FHL2: variants seen among roughly 807,000 people sequenced by gnomAD.
FHL2 encodes four and a half LIM domains protein 2.
FHL2 carries 20 observed loss-of-function variants against 32.7 expected under a neutral mutation model. The ratio of observed to expected loss-of-function variants is 0.61; its 90% CI spans 0.43 to 0.89. FHL2 has a LOEUF of 0.89. Ranked by LOEUF, FHL2 falls within the 40% of genes least tolerant of loss-of-function variation. The pLI, the probability that FHL2 is intolerant of heterozygous loss-of-function variation, is 0.00. For missense variants in FHL2, 311 were observed against 358.6 expected (o/e 0.87, Z 1.07); for synonymous variants, 123 against 128.1 (o/e 0.96, Z 0.27).
chr2:105,390,737 C>G (rs967271178), intron 2 of FHL2, among the ~76,000 whole-genome samples: 1 of 152,042 alleles, frequency 6.6e-6, no homozygotes, highest in Non-Finnish European at 1.5e-5. Flanking sequence ...AGCTTCCCTT[C>G]TATTACAACA....
chr2:105,396,940 C>G (rs973591195), intron 1 of FHL2: 12 of 470,088 alleles, frequency 2.6e-5, no homozygotes, highest in Non-Finnish European at 3.8e-5. Context: ...AGGAGGCTGC[C>G]TGAGTCACTG....
At chr2:105,399,586 G>T, upstream of FHL2, 3 of 1,535,154 alleles carry the variant, frequency 2.0e-6, no homozygotes, top group Non-Finnish European at 2.6e-6. Flanking sequence ...CTAAAGGAAG[G>T]TCCTATCCCC....
At position 105,363,358 on chromosome 2, in the gene FHL2, G is replaced by A. The variant is rs1401559357; in HGVS notation, c.615C>T (p.Asp205=). Residue 205 remains aspartate, a synonymous_variant, in exon 6 of 7, where the codon GAC becomes GAT. Transcript: ENST00000530340. ...LSGQRFTARD[D]FAYCLNCFCD... Reference sequence around the variant, plus strand: ...AGAAGCAGTTCAGGCAGTAGGCAAAGTCATCGCGAGCTGTGAAGCGCTGCC... The same window carrying A: ...AGAAGCAGTTCAGGCAGTAGGCAAAATCATCGCGAGCTGTGAAGCGCTGCC... 1.2e-6 allele frequency: 2 copies of A among 1,614,088 alleles called. No individual in the cohort carries two copies. The highest frequency in any genetic ancestry group is 2.7e-5 in the African/African-American group (2 of 74,924).
intron 1 of FHL2, among the ~76,000 whole-genome samples, chr2:105,434,974 A>C (rs1017040472): frequency 2.0e-5 from 3 of 152,178 alleles, no homozygotes; most frequent in Admixed American, 6.5e-5. Context: ...AGAATTTTGC[A>C]TTACGAAAAC....
intron 3 of FHL2, among the ~76,000 whole-genome samples, chr2:105,384,876 C>T (rs926027223): frequency 1.3e-5 from 2 of 152,288 alleles, no homozygotes; most frequent in East Asian, 1.9e-4. Flanking sequence ...CAAGGCCACA[C>T]AGCAAGTGAG....
Position 105,367,738 on chromosome 2 carries a change from A to G in FHL2, c.333T>C (p.Gly111=), listed in dbSNP as rs780800767. The G allele has an allele frequency of 1.9e-5, 31 of 1,613,218 alleles. No individual in the cohort carries two copies. The highest frequency in any genetic ancestry group is 2.6e-5 in the Non-Finnish European group (31 of 1,179,606). ...TGCCCTTGTACTCCATCTTGCGGGTACCTGTCATCAGGGTCAAGAGGAACA... is the reference window on the plus strand; with the variant it reads ...TGCCCTTGTACTCCATCTTGCGGGTGCCTGTCATCAGGGTCAAGAGGAACA... ...CQECKKTIMP[G]TRKMEYKGSS... The change falls in exon 5 of 7, where the codon GGT becomes GGC. Residue 111 remains glycine, a splice_region_variant and synonymous_variant. Transcript: ENST00000530340.
chr2:105,429,161 G>A (rs903071613), intron 1 of FHL2, among the ~76,000 whole-genome samples: 69 of 152,230 alleles, frequency 4.5e-4, no homozygotes, highest in Middle Eastern at 3.4e-3. Context: ...CCACAAGGGG[G>A]AAAAAGGACT....
At chr2:105,411,618 T>C (rs1001207246) in intron 1 of FHL2, among the ~76,000 whole-genome samples, 7 of 139,702 alleles carry the variant, frequency 5.0e-5, no homozygotes, top group Non-Finnish European at 4.5e-5. Flanking sequence ...GGCGGGCGGA[T>C]CACTTGAGGT....
chr2:105,428,779 C>T (rs1684337354), intron 1 of FHL2, among the ~76,000 whole-genome samples: 1 of 152,242 alleles, frequency 6.6e-6, no homozygotes, highest in African/African-American at 2.4e-5. Context: ...CTCTTCCTTA[C>T]CTGCTCCTCT....
upstream of FHL2, among the ~76,000 whole-genome samples, chr2:105,402,175 A>G (rs551645190): frequency 6.7e-6 from 1 of 149,552 alleles, no homozygotes; most frequent in South Asian, 2.1e-4. Flanking sequence ...GTATATATGT[A>G]TCTGTATGTA....
intron 1 of FHL2, among the ~76,000 whole-genome samples, chr2:105,425,338 G>C (rs1206962319): frequency 6.6e-6 from 1 of 152,124 alleles, no homozygotes; most frequent in Non-Finnish European, 1.5e-5. Flanking sequence ...TAAACCAGGG[G>C]CACAATGCAC....
chr2:105,394,077 C>T (rs546572656), intron 2 of FHL2, among the ~76,000 whole-genome samples: 14 of 152,288 alleles, frequency 9.2e-5, no homozygotes, highest in African/African-American at 2.9e-4. Context: ...TTCAAAGGCA[C>T]GGGACTCTCA....
chr2:105,428,104 G>GAA (rs1684317460), intron 1 of FHL2, among the ~76,000 whole-genome samples: 2 of 152,314 alleles, frequency 1.3e-5, no homozygotes, highest in African/African-American at 4.8e-5. Context: ...AGAACTCATG[G>GAA]TCATAAAAGG....
chr2:105,420,868 A>G (rs960123722), intron 1 of FHL2, among the ~76,000 whole-genome samples: 2 of 152,176 alleles, frequency 1.3e-5, no homozygotes, highest in African/African-American at 4.8e-5. Flanking sequence ...TCAGTGGGGA[A>G]TGCTTCTCGC....
chr2:105,426,782 A>G (rs1220989556), intron 1 of FHL2, among the ~76,000 whole-genome samples: 1 of 152,224 alleles, frequency 6.6e-6, no homozygotes. Context: ...TTAGGCACAA[A>G]TAGTGCTGGG....
At chr2:105,419,754 T>C (rs902347264) in intron 1 of FHL2, among the ~76,000 whole-genome samples, 1 of 152,222 alleles carries the variant, frequency 6.6e-6, no homozygotes, top group Non-Finnish European at 1.5e-5. Flanking sequence ...ACTTCTTTTC[T>C]ATGAATGTCC....
chr2:105,393,164 G>A (rs1682857374), intron 2 of FHL2, among the ~76,000 whole-genome samples: 1 of 152,006 alleles, frequency 6.6e-6, no homozygotes, highest in Non-Finnish European at 1.5e-5. Flanking sequence ...CCTTTTCAAT[G>A]CACCTTTTAT....
chr2:105,409,418 G>A (rs1489409679), intron 1 of FHL2, among the ~76,000 whole-genome samples: 1 of 152,176 alleles, frequency 6.6e-6, no homozygotes, highest in East Asian at 1.9e-4. Context: ...ATTCTAAGTA[G>A]GCCCTGGCAT....
chr2:105,377,938 A>G (rs1681596850), intron 3 of FHL2: 1 of 410,718 alleles, frequency 2.4e-6, no homozygotes, highest in African/African-American at 2.1e-5. Flanking sequence ...GCAAGTTATC[A>G]GTGACAAGAG....
Sources: allele counts gnomAD v4.1 joint callset (sites outside exome capture counted in the v4.1 genomes callset), GRCh38; gene constraint gnomAD v4.1.1; transcripts MANE v1.5; gene names NCBI Gene and HGNC (gene_info 2026-07-23, HGNC 2026-07-21).